AFF3: variants seen among roughly 807,000 people sequenced by gnomAD.
The protein encoded by AFF3 is AF4/FMR2 family member 3.
Under a neutral mutation model 129.7 loss-of-function variants are expected in AFF3, and 32 were observed. That is an observed-to-expected ratio of 0.25 (90% CI 0.19 to 0.33). AFF3 has a LOEUF of 0.33. Among genes scored for constraint, AFF3 ranks in the 10% least tolerant of loss-of-function variants. The probability of loss-of-function intolerance (pLI) is 1.00; values close to 1 mark genes in which losing one functional copy is unlikely to be tolerated. For synonymous variants in AFF3, 644 were observed against 635.4 expected (o/e 1.01, Z -0.20); for missense variants, 1,373 against 1,592.0 (o/e 0.86, Z 2.34).
chr2:99,994,588 G>A (rs995756548), intron 7 of AFF3, among the ~76,000 whole-genome samples: 3 of 152,056 alleles, frequency 2.0e-5, no homozygotes, highest in Non-Finnish European at 4.4e-5. Flanking sequence ...AATTTCCAAA[G>A]ATTATTATCA....
intron 8 of AFF3, among the ~76,000 whole-genome samples, chr2:99,832,574 C>T (rs549378150): frequency 9.2e-5 from 14 of 152,348 alleles, no homozygotes; most frequent in Admixed American, 6.5e-4. Flanking sequence ...CTTTTGGTTT[C>T]ACCCCAAAGG....
At chr2:99,760,521 A>G (rs1682484057) in intron 8 of AFF3, among the ~76,000 whole-genome samples, 1 of 152,228 alleles carries the variant, frequency 6.6e-6, no homozygotes, top group African/African-American at 2.4e-5. Flanking sequence ...AATTGCACTT[A>G]GCTTGCTCCA....
At chr2:99,554,784 C>G (rs1559470407) in intron 22 of AFF3, 52 bp from the exon 23 acceptor site, 1 of 1,605,698 alleles carries the variant, frequency 6.2e-7, no homozygotes, top group Non-Finnish European at 8.5e-7. Flanking sequence ...TGAGGTGAAA[C>G]AGGTGACATG....
chr2:100,016,635 ATGG>A (rs1190288584), intron 4 of AFF3, among the ~76,000 whole-genome samples: 1 of 136,898 alleles, frequency 7.3e-6, no homozygotes, highest in Non-Finnish European at 1.6e-5. Context: ...GGTGGTGGTG[ATGG>A]TGGTGGTAAT....
At chr2:99,665,057 A>G (rs1686556611) in intron 12 of AFF3, among the ~76,000 whole-genome samples, 1 of 152,242 alleles carries the variant, frequency 6.6e-6, no homozygotes, top group Non-Finnish European at 1.5e-5. Context: ...AAGGCAGCAG[A>G]GCTCAGCTTC....
chr2:99,837,831 G>A (rs1055733527), intron 7 of AFF3, among the ~76,000 whole-genome samples: 4 of 152,098 alleles, frequency 2.6e-5, no homozygotes, highest in African/African-American at 9.7e-5. Flanking sequence ...CTGCAGGTAT[G>A]AGCTCCATCC....
Position 99,705,250 on chromosome 2 carries a change from G to A in AFF3, c.1091+21827C>T, listed in dbSNP as rs188369624. Among the ~76,000 whole-genome samples, 615 of 152,322 alleles carry A rather than the reference G, an allele frequency of 4.0e-3. 5 individuals carry two copies. Among genetic ancestry groups the A allele is most frequent in the African/African-American group, 0.014 (592 of 41,570 alleles). ...AGGAAGGGCTGGTGAGAAATTAAAG[G>A]ATGGGAAAGGAGAGAGTGCTCAGTA... On this transcript the variant is annotated intron_variant, in intron 11 of 24. Coordinates refer to ENST00000672756, the MANE Select transcript of AFF3 (RefSeq NM_001386135.1).
intron 7 of AFF3, among the ~76,000 whole-genome samples, chr2:99,864,537 A>G (rs1243915080): frequency 1.3e-5 from 2 of 152,200 alleles, no homozygotes; most frequent in African/African-American, 2.4e-5. Context: ...TCAAGTTAAC[A>G]GGCTACCATT....
chr2:100,069,550 C>A (rs544820014), intron 4 of AFF3, among the ~76,000 whole-genome samples: 5 of 152,186 alleles, frequency 3.3e-5, no homozygotes, highest in African/African-American at 1.2e-4. Context: ...ACATTTTCTG[C>A]AATATATGAT....
chr2:100,105,817 C>T (rs1691256043), intron 2 of AFF3: 1 of 1,348,430 alleles, frequency 7.4e-7, no homozygotes, highest in African/African-American at 1.5e-5. Flanking sequence ...CAGGGATTCC[C>T]CAGAATTCCT....
At chr2:99,566,126 TTTTTTA>T (rs1318473627) in intron 19 of AFF3, among the ~76,000 whole-genome samples, 2 of 152,128 alleles carry the variant, frequency 1.3e-5, no homozygotes, top group Non-Finnish European at 2.9e-5. Flanking sequence ...TTTTTTTAAT[TTTTTTA>T]TTTTTGAGAT....
chr2:99,616,631 C>T (rs896938027), intron 13 of AFF3, among the ~76,000 whole-genome samples: 1 of 152,046 alleles, frequency 6.6e-6, no homozygotes, highest in Non-Finnish European at 1.5e-5. Context: ...TGGTGTGCAC[C>T]TGTAGTCCCA....
At chr2:99,778,571 C>T (rs139851627) in intron 8 of AFF3, among the ~76,000 whole-genome samples, 126 of 152,288 alleles carry the variant, frequency 8.3e-4, no homozygotes, top group African/African-American at 2.7e-3. Flanking sequence ...TCTATGTCAT[C>T]GGTCTGCCAA....
At chr2:99,569,708 C>A (rs72966212) in intron 18 of AFF3, among the ~76,000 whole-genome samples, 5,963 of 152,138 alleles carry the variant, frequency 0.039, 173 homozygotes, top group Admixed American at 0.1. Flanking sequence ...AAGTGTTTAG[C>A]CCGATAGATT....
intron 8 of AFF3, among the ~76,000 whole-genome samples, chr2:99,768,477 G>A (rs911515902): frequency 3.3e-5 from 5 of 152,144 alleles, no homozygotes; most frequent in African/African-American, 1.2e-4. Context: ...CTTTTTTGCA[G>A]TTATTATTTT....
chr2:100,066,028 T>C (rs1000848906), intron 4 of AFF3, among the ~76,000 whole-genome samples: 1 of 152,310 alleles, frequency 6.6e-6, no homozygotes, highest in East Asian at 1.9e-4. Flanking sequence ...AAGGCAATTA[T>C]ATAGTGGTGA....
At position 99,821,974 on chromosome 2, in the gene AFF3, C is replaced by T. The variant is rs533814924; in HGVS notation, c.921+15503G>A. Among the ~76,000 whole-genome samples, 202 of 152,234 alleles carry T rather than the reference C, an allele frequency of 1.3e-3. 1 individual carries two copies. The highest frequency in any genetic ancestry group is 4.8e-3 in the African/African-American group (198 of 41,542). Reference sequence around the variant, plus strand: ...CTGTGAGAAAGAGGTGGTATAAACACAAGTCTTGTGTCCCCAAAAGAAGAA... The same window carrying T: ...CTGTGAGAAAGAGGTGGTATAAACATAAGTCTTGTGTCCCCAAAAGAAGAA... On this transcript the variant is annotated intron_variant, in intron 8 of 24. Transcript: ENST00000672756.
chr2:99,703,125 C>T (rs2104797596), intron 11 of AFF3, among the ~76,000 whole-genome samples: 1 of 152,322 alleles, frequency 6.6e-6, no homozygotes, highest in South Asian at 2.1e-4. Context: ...AAATCAGTAT[C>T]ACTGGGCTAA....
chr2:99,625,253 G>A (rs1446309124), intron 13 of AFF3, among the ~76,000 whole-genome samples: 2 of 152,142 alleles, frequency 1.3e-5, no homozygotes, highest in African/African-American at 2.4e-5. Flanking sequence ...AATATCGTTT[G>A]CGTAGGGTTG....
Sources: gnomAD v4.1 joint callset for allele counts (sites outside exome capture counted in the v4.1 genomes callset) on GRCh38, gnomAD v4.1.1 for gene constraint, MANE v1.5 for transcripts, NCBI Gene and HGNC (gene_info 2026-07-23, HGNC 2026-07-21) for gene names.